MN1: variants seen among roughly 807,000 people sequenced by gnomAD.
MN1 encodes MN1 proto-oncogene, transcriptional regulator.
In MN1, 19 loss-of-function variants were observed where a neutral mutation model predicts 86.9. That is an observed-to-expected ratio of 0.22 (90% CI 0.15 to 0.32). The LOEUF is 0.32. MN1 is among the 10% of genes least tolerant of loss of function. The pLI is 1.00. For missense variants in MN1, 1,841 were observed against 1,862.0 expected (o/e 0.99, Z 0.21); for synonymous variants, 928 against 849.6 (o/e 1.09, Z -1.60).
intron 1 of MN1, among the ~76,000 whole-genome samples, chr22:27,779,739 G>A (rs1933026127): frequency 6.6e-6 from 1 of 152,174 alleles, no homozygotes; most frequent in Non-Finnish European, 1.5e-5. Flanking sequence ...AAGAAAAGCT[G>A]CCAGAAAGTG....
intron 1 of MN1, among the ~76,000 whole-genome samples, chr22:27,778,409 G>A (rs1471122629): frequency 1.3e-5 from 2 of 152,224 alleles, no homozygotes; most frequent in Non-Finnish European, 2.9e-5. Context: ...GCCCACTGGA[G>A]AATGAGCCAT....
At chr22:27,788,628 T>C (rs562320546) in intron 1 of MN1, among the ~76,000 whole-genome samples, 82 of 152,280 alleles carry the variant, frequency 5.4e-4, no homozygotes, top group African/African-American at 1.9e-3. Context: ...TCTTTTTTTT[T>C]TTTTTTGACA....
chr22:27,766,223 G>A (rs1433314101), intron 1 of MN1, among the ~76,000 whole-genome samples: 2 of 152,344 alleles, frequency 1.3e-5, no homozygotes, highest in East Asian at 1.9e-4. Flanking sequence ...TGCCACCCAA[G>A]TGGGTGTTCC....
Position 27,798,553 on chromosome 22 carries a change from G to C in MN1, c.1991C>G (p.Ala664Gly). The C allele has an allele frequency of 6.6e-7, 1 of 1,518,000 alleles. No individual in the cohort carries two copies. Among genetic ancestry groups the C allele is most frequent in the Non-Finnish European group, 8.7e-7 (1 of 1,143,132 alleles). The allele number at this position is 1,518,000 out of a possible 1,614,324, so 94.0% of individuals were successfully genotyped here. ...CGAGCCACCAGGCGGAGGAGGGGGC[G>C]CCAGGCTGGGGTCGTGCGGGCCACA... ...ADCGPHDPSLAPPPPPGGSGV... is the reference protein window; with the variant it reads ...ADCGPHDPSLGPPPPPGGSGV... Residue 664 changes from alanine to glycine, a missense_variant, in exon 1 of 2, where the codon GCG (alanine) becomes GGG (glycine). Coordinates refer to ENST00000302326, the MANE Select transcript of MN1 (RefSeq NM_002430.3).
Position 27,801,497 on chromosome 22 carries a change from G to A in MN1, c.-954C>T. 1 of 192,446 alleles carries A rather than the reference G, an allele frequency of 5.2e-6. No individual in the cohort carries two copies. The highest frequency in any genetic ancestry group is 1.1e-5 in the Non-Finnish European group (1 of 91,932). 11.9% of individuals were successfully genotyped at this position (192,446 alleles called of 1,614,324 possible). A position where few individuals can be genotyped will look rare whatever the true frequency, so the allele number is the denominator to read the frequency against. ...CAAGGCTCCGGTTCCCTGCCTCCGC[G>A]CTGAGGTGCTTCGCGAGTCCCTCTC... On this transcript the variant is annotated 5_prime_UTR_variant, in exon 1 of 2. Transcript: ENST00000302326.
rs1933439526 is a variant in MN1, at chr22:27,801,398, T to A, written c.-855A>T. 4.7e-6 allele frequency: 1 copy of A among 212,020 alleles called. No individual in the cohort carries two copies. 13.1% of individuals were successfully genotyped at this position (212,020 alleles called of 1,614,324 possible). A position where few individuals can be genotyped will look rare whatever the true frequency, so the allele number is the denominator to read the frequency against. On this transcript the variant is annotated 5_prime_UTR_variant, in exon 1 of 2. Coordinates refer to ENST00000302326, the MANE Select transcript of MN1 (RefSeq NM_002430.3). ...GCCGCTTCTGTTCTCCGCCGTTGGG[T>A]GTCTGAGTTCGCCGGAGTCTCCGCG...
intron 1 of MN1, among the ~76,000 whole-genome samples, chr22:27,788,247 C>T (rs1933164194): frequency 6.6e-6 from 1 of 152,220 alleles, no homozygotes; most frequent in Non-Finnish European, 1.5e-5. Flanking sequence ...TCCATCTAGT[C>T]TTCCTCACTG....
chr22:27,795,716 T>C (rs1292033109), intron 1 of MN1, among the ~76,000 whole-genome samples: 1 of 140,972 alleles, frequency 7.1e-6, no homozygotes, highest in Non-Finnish European at 1.6e-5. Flanking sequence ...TATACACCTA[T>C]ATATATACAC....
intron 1 of MN1, among the ~76,000 whole-genome samples, chr22:27,765,704 A>G (rs2146298716): frequency 6.6e-6 from 1 of 152,330 alleles, no homozygotes; most frequent in East Asian, 1.9e-4. Flanking sequence ...GGTCTGGCCC[A>G]GGTTCTCTCC....
rs1047875157 is a variant in MN1, at chr22:27,797,152, C to T, written c.3392G>A (p.Gly1131Asp). The change falls in exon 1 of 2, where the codon GGC (glycine) becomes GAC (aspartate). Residue 1131 changes from glycine (G) to aspartate (D), a missense_variant. Physicochemically the swap from Gly to Asp is moderately conservative, Grantham distance 94 (BLOSUM62 -1). Transcript: ENST00000302326. Reference protein sequence around the residue: ...GGGPGHPGTPGLEQVRTPTSS... With the variant: ...GGGPGHPGTPDLEQVRTPTSS... ...CGTCGGGGTGCGGACCTGCTCCAGG[C>T]CCGGAGTGCCCGGATGGCCCGGGCC... 2 of 1,564,010 alleles carry T rather than the reference C, an allele frequency of 1.3e-6. No individual in the cohort carries two copies. Among genetic ancestry groups the T allele is most frequent in the East Asian group, 2.4e-5 (1 of 41,788 alleles).
Position 27,749,335 on chromosome 22 carries a change from G to T in MN1, c.*1580C>A. ...TCTGCAAACTCTGAGGACCTGGAGG[G>T]GGTGGGGGAGCTCAAAGTGGAGCGT... On this transcript the variant is annotated 3_prime_UTR_variant, in exon 2 of 2. Coordinates refer to ENST00000302326, the MANE Select transcript of MN1 (RefSeq NM_002430.3). The T allele has an allele frequency of 4.3e-6, 1 of 232,230 alleles. No homozygotes were observed. The highest frequency in any genetic ancestry group is 8.5e-6 in the Non-Finnish European group (1 of 117,412). The allele number at this position is 232,230 out of a possible 1,614,324, so 14.4% of individuals were successfully genotyped here.
chr22:27,794,991 G>A (rs1008072812), intron 1 of MN1, among the ~76,000 whole-genome samples: 2 of 148,054 alleles, frequency 1.4e-5, no homozygotes, highest in African/African-American at 2.5e-5. Flanking sequence ...GGGCCAGATC[G>A]AGATGTCGTG....
intron 1 of MN1, among the ~76,000 whole-genome samples, chr22:27,761,330 G>A (rs976070271): frequency 7.5e-5 from 11 of 146,270 alleles, no homozygotes; most frequent in Admixed American, 5.5e-4. Flanking sequence ...CCCTCCATCC[G>A]TATCTCCCTC....
At position 27,798,478 on chromosome 22, in the gene MN1, T is replaced by C. The variant is rs1465233178; in HGVS notation, c.2066A>G (p.Glu689Gly). 1 of 1,560,298 alleles carries C rather than the reference T, an allele frequency of 6.4e-7. No individual in the cohort carries two copies. Among genetic ancestry groups the C allele is most frequent in the Non-Finnish European group, 8.6e-7 (1 of 1,163,314 alleles). Residue 689 changes from glutamate to glycine, a missense_variant, in exon 1 of 2, where the codon GAG becomes GGG. Coordinates refer to ENST00000302326, the MANE Select transcript of MN1 (RefSeq NM_002430.3). ...TGAAGGCAGCGCGGGCACGTGGCCC[T>C]CTCCGGGCATCCTCATCGGCTCCTG... ...PLQEPMRMPGEGHVPALPSPG... is the reference protein window; with the variant it reads ...PLQEPMRMPGGGHVPALPSPG...
chr22:27,776,737 C>T (rs186358249), intron 1 of MN1, among the ~76,000 whole-genome samples: 42 of 152,270 alleles, frequency 2.8e-4, no homozygotes, highest in African/African-American at 8.7e-4. Context: ...ACATGCCCCC[C>T]CTCACCCGCC....
At chr22:27,779,558 C>T (rs981350204) in intron 1 of MN1, among the ~76,000 whole-genome samples, 3 of 152,312 alleles carry the variant, frequency 2.0e-5, no homozygotes, top group African/African-American at 2.4e-5. Context: ...GTTCTAAGCA[C>T]GGGCTCAGAA....
Position 27,751,072 on chromosome 22 carries a change from G to A in MN1, c.3806C>T (p.Ala1269Val). 3.8e-6 allele frequency: 6 copies of A among 1,589,436 alleles called. No homozygotes were observed. Among genetic ancestry groups the A allele is most frequent in the Non-Finnish European group, 5.2e-6 (6 of 1,164,232 alleles). Residue 1269 changes from alanine to valine, a missense_variant, in exon 2 of 2, where the codon GCC becomes GTC. Coordinates refer to ENST00000302326, the MANE Select transcript of MN1 (RefSeq NM_002430.3). ...GTGGCTGCCAGGCTGGGATGCTGAG[G>A]CCTTGTTTGCAGGGAGGTCGTGGGC... ...KEAHDLPANKASASQPGSHLQ... is the reference protein window; with the variant it reads ...KEAHDLPANKVSASQPGSHLQ...
rs186824463 is a variant in MN1, at chr22:27,748,969, G to A, written c.*1946C>T. 6 of 231,276 alleles carry A rather than the reference G, an allele frequency of 2.6e-5. No homozygotes were observed. The highest frequency in any genetic ancestry group is 1.3e-4 in the African/African-American group (6 of 45,342). 14.3% of individuals were successfully genotyped at this position (231,276 alleles called of 1,614,324 possible). A position where few individuals can be genotyped will look rare whatever the true frequency, so the allele number is the denominator to read the frequency against. ...CCAGAATACGGTCAACTCTCCCACA[G>A]CCCATGGTGGGGGGAAATTCCCTTC... On this transcript the variant is annotated 3_prime_UTR_variant, in exon 2 of 2. Coordinates refer to ENST00000302326, the MANE Select transcript of MN1 (RefSeq NM_002430.3).
At chr22:27,771,828 G>A (rs1257893262) in intron 1 of MN1, among the ~76,000 whole-genome samples, 1 of 152,158 alleles carries the variant, frequency 6.6e-6, no homozygotes, top group Non-Finnish European at 1.5e-5. Context: ...TTAAAGACTG[G>A]AAAAACTGAG....
Sources: gnomAD v4.1 joint callset for allele counts (sites outside exome capture counted in the v4.1 genomes callset) on GRCh38, gnomAD v4.1.1 for gene constraint, MANE v1.5 for transcripts, NCBI Gene and HGNC (gene_info 2026-07-23, HGNC 2026-07-21) for gene names.